PADI4: variants seen among roughly 807,000 people sequenced by gnomAD.
The protein encoded by PADI4 is protein-arginine deiminase type-4.
PADI4 carries 62 observed loss-of-function variants against 75.0 expected under a neutral mutation model. The observed-to-expected ratio is 0.83, with a 90% confidence interval of 0.67 to 1.02. The LOEUF (loss-of-function observed/expected upper bound fraction) is 1.02, where lower values mean the gene tolerates loss of function less well. Ranked by LOEUF, PADI4 falls within the 50% of genes least tolerant of loss-of-function variation. The pLI is 0.00. For missense variants in PADI4, 845 were observed against 850.5 expected, an observed-to-expected ratio of 0.99 and a Z score of 0.08; for synonymous variants, 361 against 348.1, an observed-to-expected ratio of 1.04 and a Z score of -0.41.
intron 1 of PADI4, among the ~76,000 whole-genome samples, chr1:17,324,965 C>G (rs908432445): frequency 6.6e-6 from 1 of 152,238 alleles, no homozygotes; most frequent in African/African-American, 2.4e-5. Flanking sequence ...TTTTATCCTT[C>G]CTTTGTCTTG....
chr1:17,359,387 G>T lies in PADI4; in HGVS notation c.1737G>T (p.Ala579=). The part of the protein sequence containing the change: ...QLFKLKEFSK[A]EAFFPNMVNM... ...TCAAGCTCAAAGAGTTCTCTAAGGC[G>T]GAAGCTTTTTTCCCCAACATGGTGA... Residue 579 remains alanine (A), a synonymous_variant, in exon 15 of 16, where the codon GCG becomes GCT. Coordinates refer to ENST00000375448, the MANE Select transcript of PADI4 (RefSeq NM_012387.3). 1 of 1,614,076 alleles carries T rather than the reference G, an allele frequency of 6.2e-7. No homozygotes were observed. Among genetic ancestry groups the T allele is most frequent in the Non-Finnish European group, 8.5e-7 (1 of 1,179,990 alleles).
In PADI4 at chr1:17,346,857, T is replaced by C. The variant is rs2074525498; in HGVS notation, c.1047+718T>C. Among the ~76,000 whole-genome samples the C allele has an allele frequency of 6.6e-6, 1 of 152,008 alleles. No homozygotes were observed. Among genetic ancestry groups the C allele is most frequent in the Non-Finnish European group, 1.5e-5 (1 of 67,996 alleles). On this transcript the variant is annotated intron_variant, in intron 9 of 15. Transcript: ENST00000375448. This position sits in a 1 kb window ranked among gnomAD's most constrained non-coding sequence, Gnocchi z 4.3. Reference sequence around the variant, plus strand: ...TCCCAGCACAAATGCTCCTCGTCCATAAATTTCCCCCATCACCCCCAGCAG... The same window carrying C: ...TCCCAGCACAAATGCTCCTCGTCCACAAATTTCCCCCATCACCCCCAGCAG...
intron 3 of PADI4, chr1:17,334,830 A>G: frequency 2.9e-6 from 1 of 350,226 alleles, no homozygotes; most frequent in Non-Finnish European, 5.6e-6. Flanking sequence ...CATGATTAGT[A>G]TCATTATGTG....
intron 10 of PADI4, among the ~76,000 whole-genome samples, chr1:17,353,472 T>C (rs1378722582): frequency 6.6e-6 from 1 of 151,974 alleles, no homozygotes; most frequent in Non-Finnish European, 1.5e-5. Flanking sequence ...TCCCAGAAAC[T>C]CACACCTGGG....
chr1:17,309,134 C>G (rs1445238786), intron 1 of PADI4, among the ~76,000 whole-genome samples: 3 of 126,292 alleles, frequency 2.4e-5, no homozygotes, highest in Non-Finnish European at 3.2e-5. Flanking sequence ...AGCAAAAACT[C>G]AGTTCTATGT....
intron 14 of PADI4, among the ~76,000 whole-genome samples, 159 bp from the exon 15 acceptor site, chr1:17,359,121 G>A (rs1227744672): frequency 1.3e-5 from 2 of 151,958 alleles, no homozygotes; most frequent in Non-Finnish European, 2.9e-5. Context: ...CTGGCCAGAG[G>A]CCCCTCTGTG....
chr1:17,363,654 A>C lies in PADI4; in HGVS notation c.1891A>C (p.Asn631His). The C allele has an allele frequency of 6.2e-7, 1 of 1,614,174 alleles. No homozygotes were observed. ...EPLGLQCTFI[N>H]DFFTYHIRHG... is the part of the protein sequence containing the mutation. The stretch of plus-strand genomic sequence containing the variant: ...ACTGGGCCTCCAGTGCACCTTCATC[A>C]ACGACTTCTTCACCTACCACATCAG... The change falls in exon 16 of 16, where the codon AAC (asparagine) becomes CAC (histidine). Residue 631 changes from asparagine (N) to histidine (H), a missense_variant. Physicochemically the swap from Asn to His is moderately conservative, Grantham distance 68. Coordinates refer to ENST00000375448, the MANE Select transcript of PADI4 (RefSeq NM_012387.3).
chr1:17,352,087 GAGGTGATGGGAGGTGGT>G (rs1264751643), intron 10 of PADI4, among the ~76,000 whole-genome samples: 35 of 136,688 alleles, frequency 2.6e-4, no homozygotes, highest in African/African-American at 8.3e-4. Context: ...GGCAGTCAGG[GAGGTGATGGGAGGTGGT>G]AGGAGAGACT....
intron 1 of PADI4, among the ~76,000 whole-genome samples, chr1:17,324,311 G>A (rs1403244769): frequency 6.6e-6 from 1 of 151,882 alleles, no homozygotes; most frequent in Non-Finnish European, 1.5e-5. Context: ...TCTCTTACTT[G>A]TTAGTAAGGT....
intron 1 of PADI4, among the ~76,000 whole-genome samples, chr1:17,313,567 G>A (rs1457019279): frequency 6.6e-6 from 1 of 150,968 alleles, no homozygotes; most frequent in East Asian, 1.9e-4. Flanking sequence ...AAAGAAAATG[G>A]GAGGCAGATT....
rs1378980133 is a variant in PADI4 at position 17,346,230 on chromosome 1, T to C, written c.1047+91T>C. The C allele has an allele frequency of 1.3e-6, 1 of 748,298 alleles. No homozygotes were observed. The highest frequency in any genetic ancestry group is 2.3e-6 in the Non-Finnish European group (1 of 433,824). 46.4% of individuals were successfully genotyped at this position (748,298 alleles called of 1,614,324 possible). A position where few individuals can be genotyped will look rare whatever the true frequency, so the allele number is the denominator to read the frequency against. ...GGCTCCTGGGGTTCAGCCTGGTGCC[T>C]CACCGGCCACTCTTCCTTAGATGGA... On this transcript the variant is annotated intron_variant, in intron 9 of 15. Coordinates refer to ENST00000375448, the MANE Select transcript of PADI4 (RefSeq NM_012387.3). This position sits in a 1 kb window ranked among gnomAD's most constrained non-coding sequence, Gnocchi z 4.3.
chr1:17,316,712 AATT>A lies in PADI4; in HGVS notation c.92+8400_92+8402del, dbSNP rs1459978467. On this transcript the variant is annotated intron_variant, in intron 1 of 15. Coordinates refer to ENST00000375448, the MANE Select transcript of PADI4 (RefSeq NM_012387.3). ...CTCAAAATAAATAAATAAATAAATT[AATT>A]AATTAATTAATTAATTAAAATAAAT... is the stretch of plus-strand genomic sequence containing the variant. Among the ~76,000 whole-genome samples, 512 of 147,726 alleles carry A rather than the reference AATT, an allele frequency of 3.5e-3. 6 individuals carry two copies. The highest frequency in any genetic ancestry group is 0.01 in the Middle Eastern group (3 of 286).
intron 13 of PADI4, among the ~76,000 whole-genome samples, chr1:17,357,594 ATGT>A (rs2074781617): frequency 6.6e-6 from 1 of 152,108 alleles, no homozygotes; most frequent in South Asian, 2.1e-4. Context: ...GATATTTTTA[ATGT>A]TGTCTGTTTT....
At chr1:17,322,699 G>A (rs2074051998) in intron 1 of PADI4, among the ~76,000 whole-genome samples, 1 of 152,078 alleles carries the variant, frequency 6.6e-6, no homozygotes, top group Admixed American at 6.5e-5. Flanking sequence ...TCTTCCCTTT[G>A]GCTTAGTGAG....
chr1:17,328,638 C>A (rs1169818568), intron 1 of PADI4, among the ~76,000 whole-genome samples: 1 of 127,676 alleles, frequency 7.8e-6, no homozygotes, highest in African/African-American at 2.8e-5. Flanking sequence ...CAAAGGGAGA[C>A]CCTGTCTCTA....
chr1:17,348,339 G>A (rs1370674018), intron 10 of PADI4: 1 of 256,434 alleles, frequency 3.9e-6, no homozygotes, highest in Non-Finnish European at 7.4e-6. Flanking sequence ...TGCTCTTGAA[G>A]AAGCTCTTGC....
intron 2 of PADI4, among the ~76,000 whole-genome samples, chr1:17,333,567 C>G (rs1289646383): frequency 6.6e-6 from 1 of 151,762 alleles, no homozygotes. Flanking sequence ...TTTCCTTGAT[C>G]CCTTCTGCTT....
chr1:17,328,204 T>G (rs2074146496), intron 1 of PADI4, among the ~76,000 whole-genome samples: 1 of 151,670 alleles, frequency 6.6e-6, no homozygotes, highest in Non-Finnish European at 1.5e-5. Flanking sequence ...TTTTATTTTT[T>G]GTACAGACAG....
intron 4 of PADI4, among the ~76,000 whole-genome samples, chr1:17,337,240 G>A (rs1178627129): frequency 6.6e-6 from 1 of 152,188 alleles, no homozygotes; most frequent in Non-Finnish European, 1.5e-5. Flanking sequence ...CCGCCTCCCA[G>A]GTTCAAGTGA....
Sources: allele counts gnomAD v4.1 joint callset (sites outside exome capture counted in the v4.1 genomes callset), GRCh38; gene constraint gnomAD v4.1.1; non-coding constraint Gnocchi (gnomAD v3.1); transcripts MANE v1.5; gene names NCBI Gene and HGNC (gene_info 2026-07-23, HGNC 2026-07-21).